Variants in EYA3 observed in about 807,000 individuals in gnomAD.
EYA3 encodes protein phosphatase EYA3.
In EYA3, 39 loss-of-function variants were observed where a neutral mutation model predicts 80.0. That is an observed-to-expected ratio of 0.49 (90% CI 0.38 to 0.64). The LOEUF is 0.64. EYA3 is among the 30% of genes least tolerant of loss of function. EYA3 has a pLI of 0.00. For synonymous variants in EYA3, 206 were observed against 232.8 expected (o/e 0.88, Z 1.05); for missense variants, 523 against 676.1 (o/e 0.77, Z 2.51).
At chr1:28,006,195 T>G (rs947420389) in intron 10 of EYA3, among the ~76,000 whole-genome samples, 3 of 151,682 alleles carry the variant, frequency 2.0e-5, no homozygotes, top group African/African-American at 7.3e-5. Flanking sequence ...CATTAAAAAA[T>G]TAATTAGGAG....
intron 10 of EYA3, 47 bp from the exon 11 acceptor site, chr1:28,004,466 G>A: frequency 7.3e-7 from 1 of 1,374,064 alleles, no homozygotes. Flanking sequence ...CAATTACAAT[G>A]GAATGAAACC....
chr1:27,974,588 G>A, intron 17 of EYA3, 42 bp from the exon 18 acceptor site: 1 of 1,533,202 alleles, frequency 6.5e-7, no homozygotes, highest in African/African-American at 1.4e-5. Flanking sequence ...AACTTCTTCT[G>A]AGAGCTTATA....
At chr1:28,036,850 A>AT (rs957309699) in intron 5 of EYA3, among the ~76,000 whole-genome samples, 2 of 150,716 alleles carry the variant, frequency 1.3e-5, no homozygotes, top group African/African-American at 2.4e-5. Context: ...TAAAGGGGAA[A>AT]TTTTTTTTTT....
intron 11 of EYA3, among the ~76,000 whole-genome samples, chr1:28,003,613 GC>G (rs1641054330): frequency 6.6e-6 from 1 of 152,172 alleles, no homozygotes; most frequent in South Asian, 2.1e-4. Context: ...TCGCTAAGTT[GC>G]CCAAGCTGGA....
At position 27,972,196 on chromosome 1, in the gene EYA3, C is replaced by G. The variant is rs1638759959; in HGVS notation, c.*2270G>C. The stretch of plus-strand genomic sequence containing the variant: ...CGTGGCCTTTGTCCAGGACAAAAAC[C>G]CAACAGCTATACTGCATAGGGGGAG... On this transcript the variant is annotated 3_prime_UTR_variant, in exon 18 of 18. Transcript: ENST00000373871. 1 of 152,178 alleles carries G rather than the reference C, an allele frequency of 6.6e-6. No homozygotes were observed. Among genetic ancestry groups the G allele is most frequent in the African/African-American group, 2.4e-5 (1 of 41,422 alleles). The allele number at this position is 152,178 out of a possible 1,614,324, so 9.4% of individuals were successfully genotyped here. A position where few individuals can be genotyped will look rare whatever the true frequency, so the allele number is the denominator to read the frequency against.
At chr1:28,003,596 T>C (rs1376548871) in intron 11 of EYA3, among the ~76,000 whole-genome samples, 1 of 152,146 alleles carries the variant, frequency 6.6e-6, no homozygotes, top group African/African-American at 2.4e-5. Flanking sequence ...TTTTTAGAGA[T>C]GGGGTCTCGC....
At chr1:27,982,434 C>T (rs1330559257) in intron 16 of EYA3, among the ~76,000 whole-genome samples, 1 of 151,146 alleles carries the variant, frequency 6.6e-6, no homozygotes, top group African/African-American at 2.4e-5. Context: ...GCGTGAGCCA[C>T]TCCACCTGAC....
At chr1:28,046,725 T>C (rs1422855223) in intron 3 of EYA3, among the ~76,000 whole-genome samples, 1 of 152,300 alleles carries the variant, frequency 6.6e-6, no homozygotes, top group South Asian at 2.1e-4. Context: ...AGGTGGATAG[T>C]TGGGTTTAAT....
chr1:28,024,672 T>C (rs1253935573), intron 7 of EYA3, among the ~76,000 whole-genome samples: 1 of 152,012 alleles, frequency 6.6e-6, no homozygotes, highest in African/African-American at 2.4e-5. Context: ...ATATATATAA[T>C]TAAAATTAAT....
chr1:28,073,133 T>A (rs1330077871), intron 1 of EYA3, among the ~76,000 whole-genome samples: 44 of 41,294 alleles, frequency 1.1e-3, no homozygotes, highest in African/African-American at 2.6e-3. Flanking sequence ...ATATATTTTT[T>A]TTTTTTTTTT....
chr1:28,070,421 G>T (rs1381716956), intron 1 of EYA3, among the ~76,000 whole-genome samples: 3 of 152,012 alleles, frequency 2.0e-5, no homozygotes, highest in African/African-American at 7.2e-5. Flanking sequence ...AATTAGCCAG[G>T]CGTGGTGGTG....
rs1190076047 is a variant in EYA3 at position 27,993,575 on chromosome 1, G to T, written c.1143-15C>A. The T allele has an allele frequency of 6.4e-7, 1 of 1,560,452 alleles. No homozygotes were observed. The highest frequency in any genetic ancestry group is 8.6e-7 in the Non-Finnish European group (1 of 1,161,372). The stretch of plus-strand genomic sequence containing the variant: ...AACTGTAGTTGCTGCAAGGAGAGAA[G>T]ATAATAAAAATTAAAATTTATACAG... On this transcript the variant is annotated splice_polypyrimidine_tract_variant and intron_variant, in intron 13 of 17. Coordinates refer to ENST00000373871, the MANE Select transcript of EYA3 (RefSeq NM_001990.4).
At chr1:28,010,745 TTC>T (rs781307517) in intron 10 of EYA3, 200 bp downstream of exon 10, 3 of 538,496 alleles carry the variant, frequency 5.6e-6, no homozygotes, top group Non-Finnish European at 9.6e-6. Context: ...GATGAATTGT[TTC>T]TGTTCTCTTC....
At chr1:28,085,657 T>G (rs1392187501) in intron 1 of EYA3, among the ~76,000 whole-genome samples, 1 of 152,264 alleles carries the variant, frequency 6.6e-6, no homozygotes, top group Non-Finnish European at 1.5e-5. Flanking sequence ...ATATTTTAAA[T>G]TGAGCCCTTA....
At position 28,017,191 on chromosome 1, in the gene EYA3, T is replaced by C. The variant is rs142531107; in HGVS notation, c.548A>G (p.Asn183Ser). 1.8e-4 allele frequency: 288 copies of C among 1,613,990 alleles called. 1 individual carries two copies. The Admixed American group carries it at 3.1e-3, about 17-fold the overall frequency. Residue 183 changes from asparagine to serine, a missense_variant, in exon 8 of 18, where the codon AAT becomes AGT. Asn to Ser is a conservative substitution (Grantham distance 46). Transcript: ENST00000373871. ...GCTGGCTACTGCTGCTGCTGGAATA[T>C]TGGCAATTGTAGAAGAAGTAGATAT... ...SLISTSSTIA[N>S]IPAAAVASIS...
intron 6 of EYA3, among the ~76,000 whole-genome samples, chr1:28,033,622 A>AT (rs1248821619): frequency 1.4e-5 from 2 of 147,538 alleles, no homozygotes; most frequent in African/African-American, 4.9e-5. Context: ...ACTTTACAGA[A>AT]TTTTTTTCTT....
intron 16 of EYA3, among the ~76,000 whole-genome samples, chr1:27,984,694 C>T (rs1231422617): frequency 2.6e-5 from 4 of 152,020 alleles, no homozygotes; most frequent in African/African-American, 7.2e-5. Flanking sequence ...CAATAAGCAC[C>T]GTTATTATTT....
chr1:27,988,051 G>T (rs974100226), intron 16 of EYA3, among the ~76,000 whole-genome samples: 1 of 151,910 alleles, frequency 6.6e-6, no homozygotes, highest in East Asian at 1.9e-4. Context: ...AAACTTTTTT[G>T]TAGAGACGGA....
intron 8 of EYA3, among the ~76,000 whole-genome samples, chr1:28,014,935 T>C (rs887114357): frequency 7.2e-5 from 11 of 152,128 alleles, no homozygotes; most frequent in Non-Finnish European, 1.5e-5. Context: ...TGATGGCAAG[T>C]AGGAAAAAGC....
Sources: allele counts gnomAD v4.1 joint callset (sites outside exome capture counted in the v4.1 genomes callset), GRCh38; gene constraint gnomAD v4.1.1; transcripts MANE v1.5; gene names NCBI Gene and HGNC (gene_info 2026-07-23, HGNC 2026-07-21).